GINS3: variants seen among roughly 807,000 people sequenced by gnomAD.
GINS3 encodes GINS complex subunit 3.
Under a neutral mutation model 20.0 loss-of-function variants are expected in GINS3, and 18 were observed. The ratio of observed to expected loss-of-function variants is 0.90; its 90% CI spans 0.62 to 1.33. The LOEUF is 1.33. Among genes scored for constraint, GINS3 ranks in the 40% most tolerant of loss-of-function variants. GINS3 has a pLI of 0.00. For missense variants in GINS3, 254 were observed against 273.6 expected, an observed-to-expected ratio of 0.93 and a Z score of 0.51; for synonymous variants, 109 against 107.0, an observed-to-expected ratio of 1.02 and a Z score of -0.12.
Position 58,403,492 on chromosome 16 carries a change from T to TACACACAC in GINS3, c.420+162_420+163insCACACACA, listed in dbSNP as rs371591519. 2.9e-3 allele frequency: 1,694 copies of TACACACAC among 593,918 alleles called. 24 individuals carry two copies. The highest frequency in any genetic ancestry group is 0.012 in the South Asian group (593 of 49,328). The allele number at this position is 593,918 out of a possible 1,614,324, so 36.8% of individuals were successfully genotyped here. On this transcript the variant is annotated intron_variant, in intron 2 of 2. Coordinates refer to ENST00000318129, the MANE Select transcript of GINS3 (RefSeq NM_022770.4). Reference sequence around the variant, plus strand: ...TCTGTCCATTTTATATATTTACATATATACACACACACACACACACACACA... The same window carrying TACACACAC: ...TCTGTCCATTTTATATATTTACATATACACACACATACACACACACACACACACACACA...
At chr16:58,401,558 GT>G (rs1335147427) in intron 1 of GINS3, among the ~76,000 whole-genome samples, 6 of 152,198 alleles carry the variant, frequency 3.9e-5, no homozygotes, top group African/African-American at 1.4e-4. Flanking sequence ...TGATTGGTCT[GT>G]TTTTACAGAG....
intron 1 of GINS3, chr16:58,395,342 T>G: frequency 4.8e-6 from 1 of 207,504 alleles, no homozygotes; most frequent in Non-Finnish European, 9.1e-6. Context: ...TATATATTTT[T>G]TTTTTAATTG....
intron 2 of GINS3, chr16:58,403,706 G>A (rs1965988272): frequency 9.0e-6 from 2 of 222,360 alleles, no homozygotes; most frequent in African/African-American, 2.3e-5. Flanking sequence ...GACCAACCTG[G>A]GCAACATAGT....
intron 1 of GINS3, among the ~76,000 whole-genome samples, chr16:58,395,451 G>A (rs1157355302): frequency 2.6e-5 from 4 of 151,602 alleles, no homozygotes; most frequent in Admixed American, 2.0e-4. Context: ...AAAGGTCTCT[G>A]GTTTTCCTAG....
rs970434464 is a variant in GINS3, at chr16:58,402,893, A to C, written c.187-205A>C. On this transcript the variant is annotated intron_variant, in intron 1 of 2. Transcript: ENST00000318129. ...CACCATGTTTTTGTTGTATAAATCC[A>C]TTTTCTCTCTCCATTCCATCATCAC... The C allele has an allele frequency of 1.0e-5, 6 of 582,790 alleles. No homozygotes were observed. In the Admixed American group the frequency reaches 1.9e-4, roughly 18 times the overall value. 36.1% of individuals were successfully genotyped at this position (582,790 alleles called of 1,614,324 possible).
intron 1 of GINS3, among the ~76,000 whole-genome samples, chr16:58,395,984 G>C (rs545372237): frequency 1.3e-5 from 2 of 148,710 alleles, no homozygotes; most frequent in South Asian, 4.3e-4. Context: ...CTCCCTCCCG[G>C]ACAGGGCGGC....
At chr16:58,400,857 C>T (rs1965944511) in intron 1 of GINS3, among the ~76,000 whole-genome samples, 1 of 150,598 alleles carries the variant, frequency 6.6e-6, no homozygotes, top group Admixed American at 6.6e-5. Flanking sequence ...CTCTGTCGCC[C>T]AGGCTGGAGT....
chr16:58,404,155 T>C, intron 2 of GINS3: 1 of 232,324 alleles, frequency 4.3e-6, no homozygotes, highest in Non-Finnish European at 8.4e-6. Flanking sequence ...GAAACCATCA[T>C]TTCTTCCTCT....
intron 1 of GINS3, among the ~76,000 whole-genome samples, chr16:58,397,115 C>T (rs1425584155): frequency 6.6e-6 from 1 of 151,886 alleles, no homozygotes; most frequent in Non-Finnish European, 1.5e-5. Context: ...CGGAGACGCT[C>T]CTCACTTCCC....
intron 1 of GINS3, among the ~76,000 whole-genome samples, chr16:58,395,936 A>C (rs544738746): frequency 2.2e-4 from 32 of 147,298 alleles, no homozygotes; most frequent in African/African-American, 7.4e-4. Flanking sequence ...CACCTCCCGG[A>C]CGGGGCGGCT....
chr16:58,397,101 C>T lies in GINS3; in HGVS notation c.186+4314C>T, dbSNP rs543698436. Among the ~76,000 whole-genome samples the T allele has an allele frequency of 8.5e-4, 129 of 151,850 alleles. 1 individual carries two copies. The highest frequency in any genetic ancestry group is 2.8e-3 in the African/African-American group (116 of 41,394). On this transcript the variant is annotated intron_variant, in intron 1 of 2. Transcript: ENST00000318129. ...CCTCCCTCCTGGATGGGGTGGCTGC[C>T]GGGCGGAGACGCTCCTCACTTCCCA... is the stretch of plus-strand genomic sequence containing the variant.
intron 1 of GINS3, among the ~76,000 whole-genome samples, chr16:58,399,831 A>C (rs1160556288): frequency 1.3e-5 from 2 of 152,214 alleles, no homozygotes; most frequent in Non-Finnish European, 2.9e-5. Context: ...ACCAAAAAGA[A>C]TGTTATATAA....
intron 2 of GINS3, chr16:58,403,588 T>C: frequency 2.2e-6 from 1 of 458,360 alleles, no homozygotes; most frequent in Non-Finnish European, 3.9e-6. Context: ...CAGCAGGAAC[T>C]CTAGGAAATG....
intron 1 of GINS3, among the ~76,000 whole-genome samples, chr16:58,399,361 C>T (rs1965925279): frequency 6.6e-6 from 1 of 151,518 alleles, no homozygotes; most frequent in Non-Finnish European, 1.5e-5. Flanking sequence ...TATCCTTTTA[C>T]TTCTGTTAAT....
chr16:58,403,470 G>A, intron 2 of GINS3, 139 bp downstream of exon 2: 1 of 626,646 alleles, frequency 1.6e-6, no homozygotes, highest in Admixed American at 2.9e-5. Flanking sequence ...TACACTGTCT[G>A]TCCATTTTAT....
At chr16:58,398,998 T>C (rs1363554062) in intron 1 of GINS3, among the ~76,000 whole-genome samples, 1 of 152,192 alleles carries the variant, frequency 6.6e-6, no homozygotes, top group African/African-American at 2.4e-5. Flanking sequence ...GCAATTTTTT[T>C]TTCTACTTTT....
rs559167059 is a variant in GINS3, at chr16:58,404,798, G to A, written c.*69G>A. 51 of 1,106,284 alleles carry A rather than the reference G, an allele frequency of 4.6e-5. No homozygotes were observed. The South Asian group carries it at 6.7e-4, about 14-fold the overall frequency. 68.5% of individuals were successfully genotyped at this position (1,106,284 alleles called of 1,614,324 possible). On this transcript the variant is annotated 3_prime_UTR_variant, in exon 3 of 3. Transcript: ENST00000318129. Reference sequence around the variant, plus strand: ...CGTGTGTCCTTGATAGGAGCTGGTTGACCTTGTACAGAACCAGAATCCTGT... The same window carrying A: ...CGTGTGTCCTTGATAGGAGCTGGTTAACCTTGTACAGAACCAGAATCCTGT...
chr16:58,396,529 C>T (rs1965864533), intron 1 of GINS3, among the ~76,000 whole-genome samples: 1 of 48,620 alleles, frequency 2.1e-5, no homozygotes, highest in African/African-American at 1.1e-4. Flanking sequence ...GACCCCCCCA[C>T]CTCCCTCCCG....
At chr16:58,395,549 C>T (rs1175878378) in intron 1 of GINS3, among the ~76,000 whole-genome samples, 4 of 151,940 alleles carry the variant, frequency 2.6e-5, no homozygotes, top group Middle Eastern at 3.2e-3. Flanking sequence ...AGCATGCTGC[C>T]TTCAAGCATC....
Sources: allele counts gnomAD v4.1 joint callset (sites outside exome capture counted in the v4.1 genomes callset), GRCh38; gene constraint gnomAD v4.1.1; transcripts MANE v1.5; gene names NCBI Gene and HGNC (gene_info 2026-07-23, HGNC 2026-07-21).